Variants in VLDLR observed in about 807,000 individuals in gnomAD.
The protein encoded by VLDLR is very low density lipoprotein receptor.
VLDLR carries 81 observed loss-of-function variants against 112.7 expected under a neutral mutation model. The ratio of observed to expected loss-of-function variants is 0.72; its 90% confidence interval spans 0.60 to 0.86. VLDLR has a LOEUF of 0.86. Among genes scored for constraint, VLDLR ranks in the 40% least tolerant of loss-of-function variants. VLDLR has a pLI of 0.00. For missense variants in VLDLR, 1,237 were observed against 1,099.4 expected (o/e 1.13, Z -1.77); for synonymous variants, 436 against 384.8 (o/e 1.13, Z -1.56).
intron 2 of VLDLR, 68 bp downstream of exon 2, chr9:2,635,640 T>C (rs1041013242): frequency 3.8e-5 from 61 of 1,606,646 alleles, no homozygotes; most frequent in Admixed American, 5.0e-5. Context: ...TGCAAATGTA[T>C]TGAGATTCTG....
chr9:2,643,331 C>G lies in VLDLR; in HGVS notation c.620C>G (p.Pro207Arg). 2 of 1,614,180 alleles carry G rather than the reference C, an allele frequency of 1.2e-6. No individual in the cohort carries two copies. The highest frequency in any genetic ancestry group is 1.7e-6 in the Non-Finnish European group (2 of 1,180,022). ...CAGTGCAGCACCTCCTCCTGCATCC[C>G]CATCAGCTGGGTATGCGACGATGAT... The part of the protein sequence containing the change: ...EFQCSTSSCI[P>R]ISWVCDDDAD... The change falls in exon 5 of 19, where the codon CCC becomes CGC. Residue 207 changes from proline (P) to arginine (R), a missense_variant. Transcript: ENST00000382100.
Position 2,648,214 on chromosome 9 carries a change from T to C in VLDLR, c.1829T>C (p.Ile610Thr), listed in dbSNP as rs778101357. The change falls in exon 13 of 19, where the codon ATA becomes ACA. Residue 610 changes from isoleucine to threonine, a missense_variant. Coordinates refer to ENST00000382100, the MANE Select transcript of VLDLR (RefSeq NM_003383.5). ...CAATTCTTTTCCTACCTAGACCTTA[T>C]AAAAAGTCGCCTCTATTGGCTTGAT... is the stretch of plus-strand genomic sequence containing the variant. ...QWPNGITLDL[I>T]KSRLYWLDSK... The C allele has an allele frequency of 1.2e-6, 2 of 1,614,182 alleles. No homozygotes were observed. The highest frequency in any genetic ancestry group is 2.2e-5 in the South Asian group (2 of 91,084).
In VLDLR at chr9:2,654,198, T is replaced by C. The variant is rs2130814015; in HGVS notation, c.*330T>C. On this transcript the variant is annotated 3_prime_UTR_variant, in exon 19 of 19. Coordinates refer to ENST00000382100, the MANE Select transcript of VLDLR (RefSeq NM_003383.5). Reference sequence around the variant, plus strand: ...CTTGTGCTATAGTGTATACCACCTGTACATACATTGTATAGGCCATCTGTA... The same window carrying C: ...CTTGTGCTATAGTGTATACCACCTGCACATACATTGTATAGGCCATCTGTA... The C allele has an allele frequency of 2.9e-6, 1 of 350,036 alleles. No homozygotes were observed. The highest frequency in any genetic ancestry group is 2.8e-5 in the South Asian group (1 of 35,210). The allele number at this position is 350,036 out of a possible 1,614,324, so 21.7% of individuals were successfully genotyped here.
At chr9:2,627,821 C>T (rs190638011) in intron 1 of VLDLR, among the ~76,000 whole-genome samples, 64 of 149,526 alleles carry the variant, frequency 4.3e-4, no homozygotes, top group Admixed American at 2.3e-3. Flanking sequence ...GCCGAGATAA[C>T]GCCACTGCAC....
rs1190645486 is a variant in VLDLR, at chr9:2,658,035, T to C, written c.*4167T>C. 4 of 152,192 alleles carry C rather than the reference T, an allele frequency of 2.6e-5. No individual in the cohort carries two copies. The highest frequency in any genetic ancestry group is 5.9e-5 in the Non-Finnish European group (4 of 68,036). 9.4% of individuals were successfully genotyped at this position (152,192 alleles called of 1,614,324 possible). A position where few individuals can be genotyped will look rare whatever the true frequency, so the allele number is the denominator to read the frequency against. Reference sequence around the variant, plus strand: ...CTTCAAAGGTACTTATTTCCAAATATGGAGGGAATGAATCTGAAGAGGGAA... The same window carrying C: ...CTTCAAAGGTACTTATTTCCAAATACGGAGGGAATGAATCTGAAGAGGGAA... On this transcript the variant is annotated 3_prime_UTR_variant, in exon 19 of 19. Coordinates refer to ENST00000382100, the MANE Select transcript of VLDLR (RefSeq NM_003383.5).
At chr9:2,647,821 A>G (rs529836524) in intron 12 of VLDLR, 12 of 622,844 alleles carry the variant, frequency 1.9e-5, no homozygotes, top group Non-Finnish European at 3.2e-5. Context: ...TGTGACACAA[A>G]TTCAGTGAAC....
chr9:2,654,162 C>T lies in VLDLR; in HGVS notation c.*294C>T. 2.3e-6 allele frequency: 1 copy of T among 433,286 alleles called. No homozygotes were observed. The highest frequency in any genetic ancestry group is 4.3e-6 in the Non-Finnish European group (1 of 231,970). 26.8% of individuals were successfully genotyped at this position (433,286 alleles called of 1,614,324 possible). On this transcript the variant is annotated 3_prime_UTR_variant, in exon 19 of 19. Transcript: ENST00000382100. ...GCACTTTCCCTAGAAAGCCATATTC[C>T]AGCAGTGAAACTTGTGCTATAGTGT...
chr9:2,629,443 A>G (rs1168108696), intron 1 of VLDLR, among the ~76,000 whole-genome samples: 2 of 152,226 alleles, frequency 1.3e-5, no homozygotes, highest in South Asian at 2.1e-4. Context: ...GTAACACAGT[A>G]TCTAGAGCCA....
chr9:2,622,883 C>T (rs1406500874), intron 1 of VLDLR, among the ~76,000 whole-genome samples: 2 of 152,144 alleles, frequency 1.3e-5, no homozygotes, highest in African/African-American at 4.8e-5. Flanking sequence ...GGCCGCCTCT[C>T]CGGCGTGCGG....
chr9:2,634,330 C>G (rs997122351), intron 1 of VLDLR, among the ~76,000 whole-genome samples: 6 of 152,202 alleles, frequency 3.9e-5, no homozygotes, highest in African/African-American at 1.4e-4. Flanking sequence ...GCTGCAAATG[C>G]TGAAAGGTGG....
Position 2,632,426 on chromosome 9 carries a change from G to T in VLDLR, c.83-3027G>T, listed in dbSNP as rs1279167091. Among the ~76,000 whole-genome samples the T allele has an allele frequency of 2.0e-5, 3 of 152,170 alleles. No homozygotes were observed. The East Asian group carries it at 5.8e-4, about 29-fold the overall frequency. ...CTACTTCCAAGGTATTTTTTGAGGT[G>T]TCATTGGCTTTAGTTTAGCCTGAAG... On this transcript the variant is annotated intron_variant, in intron 1 of 18. Transcript: ENST00000382100.
At chr9:2,624,629 G>A (rs150664134) in intron 1 of VLDLR, among the ~76,000 whole-genome samples, 1 of 152,336 alleles carries the variant, frequency 6.6e-6, no homozygotes, top group East Asian at 1.9e-4. Flanking sequence ...CTAGCAACTA[G>A]CCTAAGAATA....
At chr9:2,631,972 T>C (rs568269754) in intron 1 of VLDLR, among the ~76,000 whole-genome samples, 6 of 152,118 alleles carry the variant, frequency 3.9e-5, no homozygotes, top group African/African-American at 1.4e-4. Flanking sequence ...GTCCTTGAAG[T>C]TAGTGTGCAT....
intron 1 of VLDLR, among the ~76,000 whole-genome samples, chr9:2,628,624 G>A (rs1222532529): frequency 1.3e-5 from 2 of 152,190 alleles, no homozygotes; most frequent in Admixed American, 1.3e-4. Flanking sequence ...AAAGGAACAA[G>A]ACATTTAAAT....
At chr9:2,631,656 G>T (rs1817356324) in intron 1 of VLDLR, among the ~76,000 whole-genome samples, 2 of 151,258 alleles carry the variant, frequency 1.3e-5, no homozygotes, top group African/African-American at 4.9e-5. Context: ...CAGAGACTCA[G>T]AAGTAGGGGG....
chr9:2,631,225 A>T lies in VLDLR; in HGVS notation c.83-4228A>T, dbSNP rs565290185. 1.4e-4 allele frequency among the ~76,000 whole-genome samples: 21 copies of T among 152,344 alleles called. No homozygotes were observed. In the East Asian group the frequency reaches 3.9e-3, roughly 28 times the overall value. ...TTATACACTGCTGGTGAGAATGTAA[A>T]CTAATACAGCCACCAAGGAAAACAA... On this transcript the variant is annotated intron_variant, in intron 1 of 18. Transcript: ENST00000382100.
chr9:2,622,039 C>T lies in VLDLR; in HGVS notation c.-151C>T. 2 of 775,136 alleles carry T rather than the reference C, an allele frequency of 2.6e-6. No individual in the cohort carries two copies. The highest frequency in any genetic ancestry group is 3.2e-5 in the East Asian group (1 of 31,180). 48.0% of individuals were successfully genotyped at this position (775,136 alleles called of 1,614,324 possible). A position where few individuals can be genotyped will look rare whatever the true frequency, so the allele number is the denominator to read the frequency against. On this transcript the variant is annotated 5_prime_UTR_variant, in exon 1 of 19. Coordinates refer to ENST00000382100, the MANE Select transcript of VLDLR (RefSeq NM_003383.5). ...GGGGAGGGGGTGCCCTCTTCTTCCCCGCTCCCTTCCCCCGCCAACTCCTTC... is the reference window on the plus strand; with the variant it reads ...GGGGAGGGGGTGCCCTCTTCTTCCCTGCTCCCTTCCCCCGCCAACTCCTTC...
chr9:2,638,220 C>G lies in VLDLR; in HGVS notation c.203-1639C>G, dbSNP rs34078051. Among the ~76,000 whole-genome samples, 681 of 152,258 alleles carry G rather than the reference C, an allele frequency of 4.5e-3. 5 individuals are homozygous for G. Among genetic ancestry groups the G allele is most frequent in the African/African-American group, 0.015 (642 of 41,548 alleles). ...AGCATGGCCAGTCTTGTTTCCTTGG[C>G]TGTGTAATTCAAGGAGATAATCCTT... is the stretch of plus-strand genomic sequence containing the variant. On this transcript the variant is annotated intron_variant, in intron 2 of 18. Coordinates refer to ENST00000382100, the MANE Select transcript of VLDLR (RefSeq NM_003383.5).
chr9:2,645,686 T>C lies in VLDLR; in HGVS notation c.1425T>C (p.Asp475=). Residue 475 remains aspartate (D), a synonymous_variant, in exon 10 of 19, where the codon GAT becomes GAC. Transcript: ENST00000382100. ...VEQLRNTVAL[D]ADIAAQKLFW... ...AGCTAAGAAACACTGTGGCTCTCGA[T>C]GCTGACATTGCTGCCCAGAAACTAT... 1 of 1,614,236 alleles carries C rather than the reference T, an allele frequency of 6.2e-7. No homozygotes were observed. The highest frequency in any genetic ancestry group is 8.5e-7 in the Non-Finnish European group (1 of 1,180,040).
Sources: gnomAD v4.1 joint callset for allele counts (sites outside exome capture counted in the v4.1 genomes callset) on GRCh38, gnomAD v4.1.1 for gene constraint, MANE v1.5 for transcripts, NCBI Gene and HGNC (gene_info 2026-07-23, HGNC 2026-07-21) for gene names.